Variants in ADAMTS18 observed in about 807,000 individuals in gnomAD.
The protein encoded by ADAMTS18 is A disintegrin and metalloproteinase with thrombospondin motifs 18.
ADAMTS18 carries 157 observed loss-of-function variants against 165.9 expected under a neutral mutation model. The observed-to-expected ratio is 0.95, with a 90% CI of 0.83 to 1.08. The LOEUF is 1.08. ADAMTS18 is among the 50% of genes least tolerant of loss of function. The pLI is 0.00. For missense variants in ADAMTS18, 2,040 were observed against 1,534.0 expected (o/e 1.33, Z -5.51); for synonymous variants, 782 against 578.2 (o/e 1.35, Z -5.06).
In ADAMTS18 at chr16:77,325,183, CG is replaced by C. The variant is rs530738770; in HGVS notation, c.2032+682del. Among the ~76,000 whole-genome samples the C allele has an allele frequency of 2.9e-3, 446 of 152,208 alleles. 1 individual carries two copies. Among genetic ancestry groups the C allele is most frequent in the Middle Eastern group, 6.8e-3 (2 of 294 alleles). ...CACATATAACCCTGTTTCAAGACAG[CG>C]TAACAGTTTTGATAAATCTAATGGA... On this transcript the variant is annotated intron_variant, in intron 13 of 22. Coordinates refer to ENST00000282849, the MANE Select transcript of ADAMTS18 (RefSeq NM_199355.4).
intron 10 of ADAMTS18, among the ~76,000 whole-genome samples, chr16:77,346,097 C>G (rs1233138862): frequency 2.0e-5 from 3 of 152,168 alleles, no homozygotes; most frequent in Non-Finnish European, 2.9e-5. Context: ...ATCTGCATCT[C>G]TCTCTTACCT....
chr16:77,322,135 A>G (rs1381994407), intron 14 of ADAMTS18, among the ~76,000 whole-genome samples: 2 of 129,642 alleles, frequency 1.5e-5, no homozygotes, highest in African/African-American at 6.1e-5. Flanking sequence ...AGCCTGGGTG[A>G]CAGAGTGAAA....
intron 21 of ADAMTS18, chr16:77,290,851 T>C: frequency 3.9e-6 from 1 of 253,826 alleles, no homozygotes; most frequent in South Asian, 4.4e-5. Flanking sequence ...TAGTAATAGC[T>C]TGACAAATAT....
rs116426842 is a variant in ADAMTS18, at chr16:77,319,263, T to A, written c.2532+586A>T. ...AGACAAACCAGCATAATATAAAAAGTATTCTTGCTACATTCTTTGGCGTTC... is the reference window on the plus strand; with the variant it reads ...AGACAAACCAGCATAATATAAAAAGAATTCTTGCTACATTCTTTGGCGTTC... On this transcript the variant is annotated intron_variant, in intron 16 of 22. Coordinates refer to ENST00000282849, the MANE Select transcript of ADAMTS18 (RefSeq NM_199355.4). Among the ~76,000 whole-genome samples the A allele has an allele frequency of 4.3e-3, 652 of 152,168 alleles. 7 individuals are homozygous for A. Among genetic ancestry groups the A allele is most frequent in the African/African-American group, 0.015 (627 of 41,512 alleles).
At chr16:77,370,862 G>A (rs1242371793) in intron 3 of ADAMTS18, among the ~76,000 whole-genome samples, 1 of 151,606 alleles carries the variant, frequency 6.6e-6, no homozygotes, top group African/African-American at 2.4e-5. Flanking sequence ...TCTCTACAAT[G>A]AAAACTATAA....
At position 77,412,221 on chromosome 16, in the gene ADAMTS18, T is replaced by A. The variant is rs368135703; in HGVS notation, c.495+19074A>T. Among the ~76,000 whole-genome samples the A allele has an allele frequency of 6.1e-4, 93 of 152,316 alleles. 1 individual carries two copies. Among genetic ancestry groups the A allele is most frequent in the African/African-American group, 2.1e-3 (89 of 41,582 alleles). ...TATGCATCTTCTGCTGCCTTCTAAC[T>A]CAGACTGTAACTCGTACCATTGGCT... On this transcript the variant is annotated intron_variant, in intron 3 of 22. Transcript: ENST00000282849.
At chr16:77,374,635 C>A (rs979810306) in intron 3 of ADAMTS18, among the ~76,000 whole-genome samples, 2 of 152,216 alleles carry the variant, frequency 1.3e-5, no homozygotes, top group Non-Finnish European at 2.9e-5. Flanking sequence ...ATATCAAAGG[C>A]TTAAGCCACT....
At chr16:77,386,850 G>A (rs2057114594) in intron 3 of ADAMTS18, among the ~76,000 whole-genome samples, 1 of 152,154 alleles carries the variant, frequency 6.6e-6, no homozygotes. Flanking sequence ...CATGAGGAAA[G>A]TTGGAATAGA....
At chr16:77,420,674 C>G (rs1471084169) in intron 3 of ADAMTS18, among the ~76,000 whole-genome samples, 1 of 152,194 alleles carries the variant, frequency 6.6e-6, no homozygotes, top group Non-Finnish European at 1.5e-5. Context: ...AAGGAAAACC[C>G]TGTGACAAGA....
intron 2 of ADAMTS18, 183 bp from the exon 3 acceptor site, chr16:77,431,794 C>T (rs1435561169): frequency 1.5e-5 from 10 of 658,550 alleles, no homozygotes; most frequent in Admixed American, 5.1e-5. Flanking sequence ...ACAACTAACT[C>T]GGCCACAGTC....
chr16:77,293,237 C>A lies in ADAMTS18; in HGVS notation c.3028G>T (p.Gly1010Trp), dbSNP rs145095974. The A allele has an allele frequency of 1.4e-4, 223 of 1,613,734 alleles. No homozygotes were observed. Among genetic ancestry groups the A allele is most frequent in the Non-Finnish European group, 1.7e-4 (200 of 1,179,962 alleles). Reference sequence around the variant, plus strand: ...CAGAGGAGTTCACGCTTCCTCACCCCTCGTCCACAGGTCTTGGAACACTTG... The same window carrying A: ...CAGAGGAGTTCACGCTTCCTCACCCATCGTCCACAGGTCTTGGAACACTTG... ...WSQCSKTCGR[G>W]VRKRELLCKG... The change falls in exon 20 of 23, where the codon GGG (glycine) becomes TGG (tryptophan). Residue 1010 changes from glycine to tryptophan, a missense_variant. Gly to Trp is a radical substitution (Grantham distance 184). Transcript: ENST00000282849.
intron 3 of ADAMTS18, among the ~76,000 whole-genome samples, chr16:77,379,246 C>G (rs2056997283): frequency 1.3e-5 from 2 of 152,044 alleles, no homozygotes; most frequent in African/African-American, 2.4e-5. Context: ...ATGTTTAACT[C>G]CAGCCTTCGT....
chr16:77,380,176 G>C (rs1338823207), intron 3 of ADAMTS18, among the ~76,000 whole-genome samples: 1 of 152,164 alleles, frequency 6.6e-6, no homozygotes, highest in Non-Finnish European at 1.5e-5. Flanking sequence ...TGGGGCTCCA[G>C]AACAACATTA....
intron 16 of ADAMTS18, among the ~76,000 whole-genome samples, chr16:77,306,760 A>G (rs1567468867): frequency 6.6e-6 from 1 of 152,216 alleles, no homozygotes; most frequent in African/African-American, 2.4e-5. Context: ...TATCTCATTT[A>G]AAATTGATAA....
At chr16:77,342,901 G>C (rs1433112422) in intron 10 of ADAMTS18, among the ~76,000 whole-genome samples, 1 of 152,100 alleles carries the variant, frequency 6.6e-6, no homozygotes, top group East Asian at 1.9e-4. Context: ...AAGAGAACCA[G>C]AGAGATGACA....
At chr16:77,357,327 A>G (rs1231547374) in intron 8 of ADAMTS18, among the ~76,000 whole-genome samples, 38 of 152,154 alleles carry the variant, frequency 2.5e-4, no homozygotes, top group Admixed American at 2.4e-3. Flanking sequence ...ATGCTATCCT[A>G]TCAGTGACTT....
intron 3 of ADAMTS18, among the ~76,000 whole-genome samples, chr16:77,429,223 G>C (rs1338231130): frequency 6.6e-6 from 1 of 152,118 alleles, no homozygotes; most frequent in African/African-American, 2.4e-5. Context: ...AAGAAAATGT[G>C]GTACATATAC....
At chr16:77,323,090 G>A (rs943879096) in intron 13 of ADAMTS18, among the ~76,000 whole-genome samples, 3 of 152,068 alleles carry the variant, frequency 2.0e-5, no homozygotes, top group Non-Finnish European at 2.9e-5. Flanking sequence ...TGGCCCTTAA[G>A]TCCCTGAGAT....
intron 3 of ADAMTS18, among the ~76,000 whole-genome samples, chr16:77,376,552 C>T (rs1048798596): frequency 2.6e-5 from 4 of 152,130 alleles, no homozygotes; most frequent in African/African-American, 7.2e-5. Context: ...GACTGGGTTG[C>T]GCCCGCTACT....
Sources: gnomAD v4.1 joint callset for allele counts (sites outside exome capture counted in the v4.1 genomes callset) on GRCh38, gnomAD v4.1.1 for gene constraint, MANE v1.5 for transcripts, NCBI Gene and HGNC (gene_info 2026-07-23, HGNC 2026-07-21) for gene names.